The following PIK3CA variants were observed in gnomAD, a reference collection of about 807,000 sequenced individuals.
The protein encoded by PIK3CA is phosphatidylinositol 4,5-bisphosphate 3-kinase catalytic subunit alpha isoform.
PIK3CA carries 27 observed loss-of-function variants against 138.2 expected under a neutral mutation model. The observed-to-expected ratio is 0.20, with a 90% CI of 0.14 to 0.27. The LOEUF (loss-of-function observed/expected upper bound fraction) is 0.27. Among genes scored for constraint, PIK3CA ranks in the 10% least tolerant of loss-of-function variants. The probability of loss-of-function intolerance (pLI) is 1.00; values close to 1 mark genes in which losing one functional copy is unlikely to be tolerated. For synonymous variants in PIK3CA, 358 were observed against 413.2 expected, an observed-to-expected ratio of 0.87 and a Z score of 1.62; for missense variants, 544 against 1,277.4, an observed-to-expected ratio of 0.43 and a Z score of 8.75.
chr3:179,180,008 T>A (rs1179560773), intron 1 of PIK3CA, among the ~76,000 whole-genome samples: 2 of 152,210 alleles, frequency 1.3e-5, no homozygotes, highest in Non-Finnish European at 2.9e-5. Context: ...ATTGATCTAG[T>A]AAGATTAGAG....
At chr3:179,204,876 C>T (rs1031094469) in intron 6 of PIK3CA, among the ~76,000 whole-genome samples, 2 of 151,568 alleles carry the variant, frequency 1.3e-5, no homozygotes, top group Admixed American at 6.6e-5. Context: ...AAAACATTAG[C>T]CGGGCGTGGT....
At chr3:179,205,359 T>C (rs896591988) in intron 6 of PIK3CA, among the ~76,000 whole-genome samples, 3 of 152,236 alleles carry the variant, frequency 2.0e-5, no homozygotes, top group Non-Finnish European at 2.9e-5. Context: ...ATCAGAATAG[T>C]TTCTGATTGT....
chr3:179,168,563 A>G (rs1431045955), intron 1 of PIK3CA, among the ~76,000 whole-genome samples: 2 of 151,378 alleles, frequency 1.3e-5, no homozygotes, highest in Non-Finnish European at 2.9e-5. Context: ...CCTTTCTTCC[A>G]TTTTTCTCTT....
In PIK3CA at chr3:179,240,060, T is replaced by G. The variant is rs1485780707; in HGVS notation, c.*5696T>G. On this transcript the variant is annotated 3_prime_UTR_variant, in exon 21 of 21. Transcript: ENST00000263967. The stretch of plus-strand genomic sequence containing the variant: ...TTCTTTAACTCTGCAGTCTGTAACA[T>G]CACGCTGTTTATTAAAAAAAAAAAG... 6.5e-7 allele frequency: 1 copy of G among 1,539,768 alleles called. No homozygotes were observed. Among genetic ancestry groups the G allele is most frequent in the East Asian group, 2.5e-5 (1 of 40,754 alleles).
chr3:179,160,542 A>C (rs1049112984), intron 1 of PIK3CA, among the ~76,000 whole-genome samples: 3 of 152,188 alleles, frequency 2.0e-5, no homozygotes, highest in Non-Finnish European at 4.4e-5. Flanking sequence ...CTTGCTGAGC[A>C]ATTGTATTGG....
At chr3:179,179,206 G>A (rs1365560107) in intron 1 of PIK3CA, among the ~76,000 whole-genome samples, 2 of 152,176 alleles carry the variant, frequency 1.3e-5, no homozygotes, top group Non-Finnish European at 2.9e-5. Context: ...AATTGATGTA[G>A]GAATTTTGAT....
In PIK3CA at chr3:179,239,581, G is replaced by C. The variant is rs1725399337; in HGVS notation, c.*5217G>C. 1 of 228,420 alleles carries C rather than the reference G, an allele frequency of 4.4e-6. No homozygotes were observed. Among genetic ancestry groups the C allele is most frequent in the South Asian group, 1.8e-4 (1 of 5,494 alleles). The allele number at this position is 228,420 out of a possible 1,614,324, so 14.1% of individuals were successfully genotyped here. A position where few individuals can be genotyped will look rare whatever the true frequency, so the allele number is the denominator to read the frequency against. ...CAAATGAAGTTAATGGTTTCAGTGTGATTCAGTCCTCAGACCTAATTGGGT... is the reference window on the plus strand; with the variant it reads ...CAAATGAAGTTAATGGTTTCAGTGTCATTCAGTCCTCAGACCTAATTGGGT... On this transcript the variant is annotated 3_prime_UTR_variant, in exon 21 of 21. Coordinates refer to ENST00000263967, the MANE Select transcript of PIK3CA (RefSeq NM_006218.4).
intron 1 of PIK3CA, among the ~76,000 whole-genome samples, chr3:179,163,517 C>G (rs1479587447): frequency 6.6e-6 from 1 of 152,056 alleles, no homozygotes; most frequent in African/African-American, 2.4e-5. Flanking sequence ...AAATCTCTTT[C>G]TCTCACCTCC....
rs1410357074 is a variant in PIK3CA, at chr3:179,199,898, A to C, written c.561A>C (p.Lys187Asn). 6.4e-7 allele frequency: 1 copy of C among 1,563,520 alleles called. No homozygotes were observed. Among genetic ancestry groups the C allele is most frequent in the South Asian group, 1.1e-5 (1 of 90,004 alleles). ...AGCACATATATAATAAATTAGATAA[A>C]GGTAAGAAAATGACTAATCTACTCT... ...LPKHIYNKLD[K>N]GQIIVVIWVI... The change falls in exon 3 of 21, where the codon AAA (lysine) becomes AAC (asparagine). Residue 187 changes from lysine to asparagine, a missense_variant and splice_region_variant. Around this residue, in one of 14 missense-constraint regions of PIK3CA, gnomAD observed 234 missense variants for 401.3 expected, o/e 0.58. Coordinates refer to ENST00000263967, the MANE Select transcript of PIK3CA (RefSeq NM_006218.4).
chr3:179,148,763 C>T (rs1012080080), intron 1 of PIK3CA, among the ~76,000 whole-genome samples, 160 bp downstream of exon 1: 8 of 152,136 alleles, frequency 5.3e-5, no homozygotes, highest in Non-Finnish European at 1.0e-4. Flanking sequence ...TCGCCGCACC[C>T]TCTCCCTCGC....
intron 1 of PIK3CA, among the ~76,000 whole-genome samples, chr3:179,150,879 C>T (rs150919719): frequency 1.3e-5 from 2 of 152,172 alleles, no homozygotes; most frequent in Admixed American, 1.3e-4. Context: ...TAAACAGTTA[C>T]GATTACCATT....
At chr3:179,148,997 C>A (rs1226575678) in intron 1 of PIK3CA, among the ~76,000 whole-genome samples, 1 of 152,124 alleles carries the variant, frequency 6.6e-6, no homozygotes, top group Non-Finnish European at 1.5e-5. Context: ...GCCGCGAGGA[C>A]TGCGGCTCAA....
At chr3:179,207,138 T>G (rs1724583071) in intron 6 of PIK3CA, among the ~76,000 whole-genome samples, 1 of 152,152 alleles carries the variant, frequency 6.6e-6, no homozygotes, top group Admixed American at 6.5e-5. Flanking sequence ...ATGAAGTTAT[T>G]AAAAAGATAG....
At chr3:179,198,444 A>G (rs1305752990) in intron 1 of PIK3CA, among the ~76,000 whole-genome samples, 1 of 152,216 alleles carries the variant, frequency 6.6e-6, no homozygotes, top group African/African-American at 2.4e-5. Flanking sequence ...CTTACTTTTC[A>G]TTCTTCCCAT....
chr3:179,237,657 TA>T lies in PIK3CA; in HGVS notation c.*3300del. On this transcript the variant is annotated 3_prime_UTR_variant, in exon 21 of 21. Coordinates refer to ENST00000263967, the MANE Select transcript of PIK3CA (RefSeq NM_006218.4). ...TCAAAAATCGAGTGATTTGGAATTA[TA>T]AAAAAATTGTGAGCAGCCTATTTGA... 2 of 208,950 alleles carry T rather than the reference TA, an allele frequency of 9.6e-6. No individual in the cohort carries two copies. The highest frequency in any genetic ancestry group is 7.2e-5 in the East Asian group (1 of 13,838). The allele number at this position is 208,950 out of a possible 1,614,324, so 12.9% of individuals were successfully genotyped here.
chr3:179,164,004 C>T (rs1201715293), intron 1 of PIK3CA, among the ~76,000 whole-genome samples: 2 of 152,092 alleles, frequency 1.3e-5, no homozygotes, highest in African/African-American at 2.4e-5. Flanking sequence ...TAATTTACAA[C>T]AGCTTATGTA....
At chr3:179,171,914 A>T (rs1347533064) in intron 1 of PIK3CA, among the ~76,000 whole-genome samples, 7 of 152,108 alleles carry the variant, frequency 4.6e-5, no homozygotes, top group Admixed American at 1.3e-4. Flanking sequence ...ACCAAAGCCA[A>T]CACAAAGGCA....
intron 1 of PIK3CA, among the ~76,000 whole-genome samples, chr3:179,150,706 A>G (rs1722994280): frequency 6.6e-6 from 1 of 152,180 alleles, no homozygotes; most frequent in Non-Finnish European, 1.5e-5. Flanking sequence ...CTGTCAGGAT[A>G]AGGTCCTCTC....
At chr3:179,167,739 G>A (rs753987915) in intron 1 of PIK3CA, among the ~76,000 whole-genome samples, 4 of 152,028 alleles carry the variant, frequency 2.6e-5, no homozygotes, top group East Asian at 1.9e-4. Context: ...CATGAACTAC[G>A]CAATGAATAT....
Sources: gnomAD v4.1 joint callset for allele counts (sites outside exome capture counted in the v4.1 genomes callset) on GRCh38, gnomAD v4.1.1 for gene constraint, gnomAD v4.1.1 regional missense constraint, MANE v1.5 for transcripts, NCBI Gene and HGNC (gene_info 2026-07-23, HGNC 2026-07-21) for gene names.